SFTPA2: variants seen among roughly 807,000 people sequenced by gnomAD.
The protein encoded by SFTPA2 is surfactant protein A2.
SFTPA2 carries 21 observed loss-of-function variants against 20.3 expected under a neutral mutation model. That is an observed-to-expected ratio of 1.03 (90% CI 0.73 to 1.49). SFTPA2 has a LOEUF of 1.49. Among genes scored for constraint, SFTPA2 ranks in the 40% most tolerant of loss-of-function variants. The probability of loss-of-function intolerance (pLI) is 0.00; values close to 1 mark genes in which losing one functional copy is unlikely to be tolerated. For synonymous variants in SFTPA2, 116 were observed against 118.7 expected, an observed-to-expected ratio of 0.98 and a Z score of 0.15; for missense variants, 302 against 314.8, an observed-to-expected ratio of 0.96 and a Z score of 0.31.
At chr10:79,559,940 C>T (rs1859094055) in intron 2 of SFTPA2, 29 bp downstream of exon 2, 1 of 1,344,558 alleles carries the variant, frequency 7.4e-7, no homozygotes, top group African/African-American at 1.5e-5. Flanking sequence ...CACTGACTCA[C>T]TCCATCTGTC....
Position 79,558,990 on chromosome 10 carries a change from G to A in SFTPA2, c.188C>T (p.Pro63Leu). The A allele has an allele frequency of 6.2e-7, 1 of 1,614,160 alleles. No individual in the cohort carries two copies. The change falls in exon 4 of 6, where the codon CCT becomes CTT. Residue 63 changes from proline (P) to leucine (L), a missense_variant. Pro to Leu is a moderately conservative substitution (Grantham distance 98). Coordinates refer to ENST00000372325, the MANE Select transcript of SFTPA2 (RefSeq NM_001098668.4). ...DPGPPGPMGP[P>L]GETPCPPGNN... ...CCCAGGAGGACATGGTGTTTCTCCAGGCGGACCCATGGGGCCTGCAGAGAA... is the reference window on the plus strand; with the variant it reads ...CCCAGGAGGACATGGTGTTTCTCCAAGCGGACCCATGGGGCCTGCAGAGAA...
chr10:79,560,079 T>C (rs2271786), intron 1 of SFTPA2, 81 bp from the exon 2 acceptor site: 85,983 of 1,004,070 alleles, frequency 0.086, 4,005 homozygotes, highest in East Asian at 0.23. Flanking sequence ...CCTCTCACAG[T>C]CAGTGATGAG....
Position 79,557,591 on chromosome 10 carries a change from A to G in SFTPA2, c.371-6T>C. On this transcript the variant is annotated splice_region_variant and splice_polypyrimidine_tract_variant and intron_variant, in intron 5 of 5. Coordinates refer to ENST00000372325, the MANE Select transcript of SFTPA2 (RefSeq NM_001098668.4). ...GGAGCCCTGCAGACTGAGGGCTGAG[A>G]GCAGAGGAGTCCAGGTCAGGCCACT... The G allele has an allele frequency of 1.3e-6, 2 of 1,596,590 alleles. No individual in the cohort carries two copies. Among genetic ancestry groups the G allele is most frequent in the Non-Finnish European group, 1.7e-6 (2 of 1,168,584 alleles).
rs574839970 is a variant in SFTPA2, at chr10:79,555,878, C to T, written c.*1331G>A. On this transcript the variant is annotated 3_prime_UTR_variant, in exon 6 of 6. Transcript: ENST00000372325. ...ATGGAAACTCATGTGAACACACTAA[C>T]GATTTATTATGCTTAAATCATCTTT... 4 of 152,286 alleles carry T rather than the reference C, an allele frequency of 2.6e-5. No homozygotes were observed. The highest frequency in any genetic ancestry group is 2.9e-5 in the Non-Finnish European group (2 of 68,028). The allele number at this position is 152,286 out of a possible 1,614,324, so 9.4% of individuals were successfully genotyped here. A position where few individuals can be genotyped will look rare whatever the true frequency, so the allele number is the denominator to read the frequency against.
In SFTPA2 at chr10:79,560,015, A is replaced by T; in HGVS notation, c.-53-17T>A. ...ATCAGCGACCTGAGAATGAAAAGAG[A>T]TGAATAGGGCCCACAGCCTGGACCC... On this transcript the variant is annotated splice_polypyrimidine_tract_variant and intron_variant, in intron 1 of 5. Coordinates refer to ENST00000372325, the MANE Select transcript of SFTPA2 (RefSeq NM_001098668.4). The T allele has an allele frequency of 1.7e-6, 2 of 1,155,626 alleles. No homozygotes were observed. The highest frequency in any genetic ancestry group is 2.1e-6 in the Non-Finnish European group (2 of 933,294). 71.6% of individuals were successfully genotyped at this position (1,155,626 alleles called of 1,614,324 possible).
rs17886186 is a variant in SFTPA2, at chr10:79,559,733, G to A, written c.-23-227C>T. The A allele has an allele frequency of 3.9e-4, 597 of 1,540,510 alleles. 2 individuals are homozygous for A. The African/African-American group carries it at 7.1e-3, about 18-fold the overall frequency. On this transcript the variant is annotated intron_variant, in intron 2 of 5. Coordinates refer to ENST00000372325, the MANE Select transcript of SFTPA2 (RefSeq NM_001098668.4). ...GAGGTTGTGGGGTCTCAAGACTGCT[G>A]AGGAGGAGGAAGAGTAAGGAGCTCT...
At chr10:79,558,161 C>G in intron 4 of SFTPA2, 32 bp from the exon 5 acceptor site, 1 of 1,613,900 alleles carries the variant, frequency 6.2e-7, no homozygotes. Flanking sequence ...GAAGGAGGGG[C>G]AGGCCAGTGA....
In SFTPA2 at chr10:79,557,326, G is replaced by A. The variant is rs1021152280; in HGVS notation, c.630C>T (p.Asn210=). 23 of 1,614,064 alleles carry A rather than the reference G, an allele frequency of 1.4e-5. No homozygotes were observed. The highest frequency in any genetic ancestry group is 1.9e-5 in the Non-Finnish European group (22 of 1,180,036). The change falls in exon 6 of 6, where the codon AAC becomes AAT. Residue 210 remains asparagine (N), a synonymous_variant. Transcript: ENST00000372325. ...YSDGTPVNYT[N]WYRGEPAGRG... The stretch of plus-strand genomic sequence containing the variant: ...GACCTGCAGGCTCCCCTCGGTACCA[G>A]TTGGTGTAGTTTACAGGGGTCCCAT...
In SFTPA2 at chr10:79,556,472, A is replaced by G. The variant is rs1858785917; in HGVS notation, c.*737T>C. The G allele has an allele frequency of 6.4e-6, 1 of 155,728 alleles. No individual in the cohort carries two copies. Among genetic ancestry groups the G allele is most frequent in the African/African-American group, 2.4e-5 (1 of 41,446 alleles). The allele number at this position is 155,728 out of a possible 1,614,324, so 9.6% of individuals were successfully genotyped here. ...GGTGCAGATTTGTTCATCAGCAGAA[A>G]GTTACTCGGGTCATGTCTGCAGTGG... On this transcript the variant is annotated 3_prime_UTR_variant, in exon 6 of 6. Coordinates refer to ENST00000372325, the MANE Select transcript of SFTPA2 (RefSeq NM_001098668.4).
In SFTPA2 at chr10:79,558,870, G is replaced by T. The variant is rs754500314; in HGVS notation, c.292+16C>A. 2.5e-6 allele frequency: 4 copies of T among 1,613,966 alleles called. No homozygotes were observed. Among genetic ancestry groups the T allele is most frequent in the South Asian group, 1.1e-5 (1 of 91,072 alleles). The stretch of plus-strand genomic sequence containing the variant: ...GTGCCCATGTTTCCACTGCCCACCT[G>T]CCCCGCCCTGCTCACCTGGAGGGCC... On this transcript the variant is annotated intron_variant, in intron 4 of 5. Coordinates refer to ENST00000372325, the MANE Select transcript of SFTPA2 (RefSeq NM_001098668.4).
chr10:79,559,257 C>T (rs1249861690), intron 3 of SFTPA2, 55 bp downstream of exon 3: 3 of 1,611,674 alleles, frequency 1.9e-6, no homozygotes, highest in African/African-American at 1.3e-5. Context: ...ACAGATGGGC[C>T]TCCTGAAAAG....
chr10:79,559,405 C>T lies in SFTPA2; in HGVS notation c.79G>A (p.Val27Ile), dbSNP rs1304414961. 1 of 1,613,694 alleles carries T rather than the reference C, an allele frequency of 6.2e-7. No individual in the cohort carries two copies. The highest frequency in any genetic ancestry group is 8.5e-7 in the Non-Finnish European group (1 of 1,179,838). ...GTGCCGGGGATACCAGGGCTTCCAA[C>T]ACAAACGTCCTTCACTTCGCACGCA... is the stretch of plus-strand genomic sequence containing the variant. ...GAACEVKDVCVGSPGIPGTPG... is the reference protein window; with the variant it reads ...GAACEVKDVCIGSPGIPGTPG... Residue 27 changes from valine (V) to isoleucine (I), a missense_variant, in exon 3 of 6, where the codon GTT (valine) becomes ATT (isoleucine). Transcript: ENST00000372325.
Position 79,557,518 on chromosome 10 carries a change from G to T in SFTPA2, c.438C>A (p.Ile146=), listed in dbSNP as rs1474435715. 1 of 1,613,288 alleles carries T rather than the reference G, an allele frequency of 6.2e-7. No homozygotes were observed. The highest frequency in any genetic ancestry group is 8.5e-7 in the Non-Finnish European group (1 of 1,179,610). The change falls in exon 6 of 6, where the codon ATC becomes ATA. Residue 146 remains isoleucine (I), a synonymous_variant. Transcript: ENST00000372325. The part of the protein sequence containing the change: ...EKVFSSNGQS[I]TFDAIQEACA... ...ATGCCTCCTGAATGGCATCAAAAGT[G>T]ATGGACTGCCCATTGCTGGAGAAGA...
chr10:79,559,013 G>T lies in SFTPA2; in HGVS notation c.173-8C>A, dbSNP rs1564670058. ...CAGGCGGACCCATGGGGCCTGCAGA[G>T]AAAAGAGACATGGATGTGTAGGATC... is the stretch of plus-strand genomic sequence containing the variant. On this transcript the variant is annotated splice_polypyrimidine_tract_variant and splice_region_variant and intron_variant, in intron 3 of 5. Coordinates refer to ENST00000372325, the MANE Select transcript of SFTPA2 (RefSeq NM_001098668.4). The T allele has an allele frequency of 4.3e-6, 7 of 1,614,204 alleles. No individual in the cohort carries two copies. In the South Asian group the frequency reaches 7.7e-5, roughly 18 times the overall value.
chr10:79,558,753 A>G (rs547329413), intron 4 of SFTPA2, 133 bp downstream of exon 4: 10 of 1,479,998 alleles, frequency 6.8e-6, no homozygotes, highest in Non-Finnish European at 9.4e-6. Context: ...TCAAATTCAT[A>G]TTCTCTTACT....
intron 4 of SFTPA2, 179 bp from the exon 5 acceptor site, chr10:79,558,308 T>TC (rs1858927199): frequency 1.1e-6 from 1 of 948,014 alleles, no homozygotes; most frequent in South Asian, 4.9e-5. Context: ...CACCCCGTGG[T>TC]CCCCTATTCT....
chr10:79,558,259 C>G, intron 4 of SFTPA2, 130 bp from the exon 5 acceptor site: 1 of 1,582,930 alleles, frequency 6.3e-7, no homozygotes. Flanking sequence ...CACCCAGACC[C>G]TAGGCTCAGA....
Position 79,557,020 on chromosome 10 carries a change from T to C in SFTPA2, c.*189A>G. On this transcript the variant is annotated 3_prime_UTR_variant, in exon 6 of 6. Coordinates refer to ENST00000372325, the MANE Select transcript of SFTPA2 (RefSeq NM_001098668.4). ...TGGTTTGCAAGGGGAGTGTCAAGGC[T>C]GGTCAGTGATTATGGGGAAGAGTCA... The C allele has an allele frequency of 1.0e-6, 1 of 992,864 alleles. No individual in the cohort carries two copies. The allele number at this position is 992,864 out of a possible 1,614,324, so 61.5% of individuals were successfully genotyped here. A position where few individuals can be genotyped will look rare whatever the true frequency, so the allele number is the denominator to read the frequency against.
At chr10:79,560,039 C>A (rs1859100788) in intron 1 of SFTPA2, 41 bp from the exon 2 acceptor site, 2 of 1,092,500 alleles carry the variant, frequency 1.8e-6, no homozygotes, top group Non-Finnish European at 2.2e-6. Flanking sequence ...CAGCCTGGAC[C>A]CTTCAAGGTG....
Sources: gnomAD v4.1 joint callset for allele counts on GRCh38, gnomAD v4.1.1 for gene constraint, MANE v1.5 for transcripts, NCBI Gene and HGNC (gene_info 2026-07-23, HGNC 2026-07-21) for gene names.